NTAN1: variants seen among roughly 807,000 people sequenced by gnomAD.
NTAN1 encodes the protein N-terminal asparagine amidase.
Under a neutral mutation model 41.9 loss-of-function variants are expected in NTAN1, and 32 were observed. The observed-to-expected ratio is 0.76, with a 90% CI of 0.58 to 1.03. The LOEUF is 1.03. NTAN1 is among the 50% of genes least tolerant of loss of function. The probability of loss-of-function intolerance (pLI) is 0.00; values close to 1 mark genes in which losing one functional copy is unlikely to be tolerated. For synonymous variants in NTAN1, 140 were observed against 139.5 expected, an observed-to-expected ratio of 1.00 and a Z score of -0.03; for missense variants, 377 against 377.5, an observed-to-expected ratio of 1.00 and a Z score of 0.01.
In NTAN1 at chr16:15,038,007, G is replaced by A. The variant is rs761638598; in HGVS notation, c.*24C>T. 3.8e-6 allele frequency: 6 copies of A among 1,587,264 alleles called. No individual in the cohort carries two copies. Among genetic ancestry groups the A allele is most frequent in the Non-Finnish European group, 3.4e-6 (4 of 1,160,106 alleles). ...CAATGGTCTGTCAGGCCAAGAAGGT[G>A]CTTTCTTTGGTAATTCATGTTTTTT... On this transcript the variant is annotated 3_prime_UTR_variant, in exon 10 of 10. Coordinates refer to ENST00000287706, the MANE Select transcript of NTAN1 (RefSeq NM_173474.4).
At chr16:15,046,537 G>A (rs2044071297) in intron 4 of NTAN1, among the ~76,000 whole-genome samples, 1 of 152,066 alleles carries the variant, frequency 6.6e-6, no homozygotes, top group Admixed American at 6.6e-5. Flanking sequence ...AGGATGAGGT[G>A]CTGTGGGGGC....
intron 7 of NTAN1, 81 bp downstream of exon 7, chr16:15,040,987 T>TG (rs1352727645): frequency 3.2e-6 from 3 of 938,290 alleles, no homozygotes; most frequent in Middle Eastern, 2.1e-4. Context: ...CTGACAGCAG[T>TG]GGGGTCATTG....
In NTAN1 at chr16:15,038,117, G is replaced by C; in HGVS notation, c.847C>G (p.His283Asp). The stretch of plus-strand genomic sequence containing the variant: ...GCTTTATTTCCAGAAAACAGTGTGT[G>C]AGCTGGAGATGGGTGTTTTTTTAAA... ...MFLKKHPSPA[H>D]TLFSGNKALL... The change falls in exon 10 of 10, where the codon CAC becomes GAC. Residue 283 changes from histidine to aspartate, a missense_variant. Physicochemically the swap from His to Asp is moderately conservative, Grantham distance 81. Transcript: ENST00000287706. 6.2e-7 allele frequency: 1 copy of C among 1,611,472 alleles called. No homozygotes were observed. Among genetic ancestry groups the C allele is most frequent in the African/African-American group, 1.3e-5 (1 of 74,894 alleles).
chr16:15,037,996 G>GCCAAGAAGGTGCTTTCTTT lies in NTAN1; in HGVS notation c.*16_*34dup. 6.4e-7 allele frequency: 1 copy of GCCAAGAAGGTGCTTTCTTT among 1,552,382 alleles called. No individual in the cohort carries two copies. Among genetic ancestry groups the GCCAAGAAGGTGCTTTCTTT allele is most frequent in the South Asian group, 1.1e-5 (1 of 87,620 alleles). ...GCCAGCCCCACCAATGGTCTGTCAGGCCAAGAAGGTGCTTTCTTTGGTAAT... is the reference window on the plus strand; with the variant it reads ...GCCAGCCCCACCAATGGTCTGTCAGGCCAAGAAGGTGCTTTCTTTCCAAGAAGGTGCTTTCTTTGGTAAT... On this transcript the variant is annotated 3_prime_UTR_variant, in exon 10 of 10. Transcript: ENST00000287706.
Position 15,048,260 on chromosome 16 carries a change from G to A in NTAN1, c.82-161C>T, listed in dbSNP as rs1382052960. Among the ~76,000 whole-genome samples the A allele has an allele frequency of 3.3e-5, 5 of 152,218 alleles. No homozygotes were observed. The South Asian group carries it at 6.2e-4, about 19-fold the overall frequency. ...GCTCAAAGAAAAAGGCAGCAGCCAC[G>A]GTCATTCAGAACAATGCAGAGAAAA... On this transcript the variant is annotated intron_variant, in intron 1 of 9. Transcript: ENST00000287706.
At chr16:15,050,861 T>C (rs941087404) in intron 1 of NTAN1, among the ~76,000 whole-genome samples, 2 of 152,274 alleles carry the variant, frequency 1.3e-5, no homozygotes, top group Middle Eastern at 3.4e-3. Context: ...TCAATGAAAA[T>C]GAGACAAGCC....
In NTAN1 at chr16:15,037,915, TGAGGAGGG is replaced by T; in HGVS notation, c.*108_*115del. The T allele has an allele frequency of 3.1e-6, 2 of 644,076 alleles. No individual in the cohort carries two copies. The allele number at this position is 644,076 out of a possible 1,614,324, so 39.9% of individuals were successfully genotyped here. Reference sequence around the variant, plus strand: ...TTGATGAAAGTCATTTGAAAGACACTGAGGAGGGAAGGAGGCCTAAGACCCAACAGATG... The same window carrying T: ...TTGATGAAAGTCATTTGAAAGACACTAAGGAGGCCTAAGACCCAACAGATG... On this transcript the variant is annotated 3_prime_UTR_variant, in exon 10 of 10. Transcript: ENST00000287706.
intron 1 of NTAN1, among the ~76,000 whole-genome samples, chr16:15,052,301 T>C (rs2044323916): frequency 6.6e-6 from 1 of 152,232 alleles, no homozygotes; most frequent in Non-Finnish European, 1.5e-5. Context: ...CAAAATATTA[T>C]TTTGATTTTT....
rs188451850 is a variant in NTAN1 at position 15,052,447 on chromosome 16, C to A, written c.81+3444G>T. Reference sequence around the variant, plus strand: ...TGTGACCTGGGGGATGATCATGTGACCCTCACCCCTGCTGTCCTGTTTATC... The same window carrying A: ...TGTGACCTGGGGGATGATCATGTGAACCTCACCCCTGCTGTCCTGTTTATC... On this transcript the variant is annotated intron_variant, in intron 1 of 9. Transcript: ENST00000287706. Among the ~76,000 whole-genome samples, 42 of 152,236 alleles carry A rather than the reference C, an allele frequency of 2.8e-4. No individual in the cohort carries two copies. The East Asian group carries it at 7.5e-3, about 27-fold the overall frequency.
chr16:15,045,503 G>A (rs1211706136), intron 4 of NTAN1: 1 of 152,136 alleles, frequency 6.6e-6, no homozygotes, highest in Non-Finnish European at 1.5e-5. Flanking sequence ...CAGGTGTGCT[G>A]GCATATACCT....
At chr16:15,053,931 A>G (rs4985148) in intron 1 of NTAN1, among the ~76,000 whole-genome samples, 1 of 149,782 alleles carries the variant, frequency 6.7e-6, no homozygotes. Flanking sequence ...AACCAACCAA[A>G]CAAACAAACA....
chr16:15,038,612 C>T lies in NTAN1; in HGVS notation c.715G>A (p.Asp239Asn). The T allele has an allele frequency of 6.2e-7, 1 of 1,608,730 alleles. No homozygotes were observed. Among genetic ancestry groups the T allele is most frequent in the East Asian group, 2.2e-5 (1 of 44,844 alleles). Residue 239 changes from aspartate (D) to asparagine (N), a missense_variant, in exon 9 of 10, where the codon GAT becomes AAT. By Grantham distance (23) the Asp-to-Asn change is conservative (BLOSUM62 1). Coordinates refer to ENST00000287706, the MANE Select transcript of NTAN1 (RefSeq NM_173474.4). Reference sequence around the variant, plus strand: ...TTGTCATCTTGGTGCAACCAGAAATCCACATGTGGAAATGGTGTCCAGGAG... The same window carrying T: ...TTGTCATCTTGGTGCAACCAGAAATTCACATGTGGAAATGGTGTCCAGGAG... ...PYSWTPFPHV[D>N]FWLHQDDKQI...
At position 15,039,988 on chromosome 16, in the gene NTAN1, C is replaced by T. The variant is rs1471316433; in HGVS notation, c.620G>A (p.Arg207Gln). The T allele has an allele frequency of 8.1e-6, 13 of 1,603,024 alleles. No individual in the cohort carries two copies. Among genetic ancestry groups the T allele is most frequent in the Non-Finnish European group, 1.1e-5 (13 of 1,171,148 alleles). The part of the protein sequence containing the change: ...RGPEEQLRAA[R>Q]TLAGGPMISI... Reference sequence around the variant, plus strand: ...ACTCACTGGTCCTCCTGCTAAAGTTCGCGCAGCACGAAGCTGCTCCTCCGG... The same window carrying T: ...ACTCACTGGTCCTCCTGCTAAAGTTTGCGCAGCACGAAGCTGCTCCTCCGG... Residue 207 changes from arginine to glutamine, a missense_variant, in exon 8 of 10, where the codon CGA becomes CAA. Transcript: ENST00000287706.
In NTAN1 at chr16:15,047,854, C is replaced by G. The variant is rs2044138333; in HGVS notation, c.250+1G>C. The G allele has an allele frequency of 6.2e-7, 1 of 1,609,384 alleles. No individual in the cohort carries two copies. Among genetic ancestry groups the G allele is most frequent in the Non-Finnish European group, 8.5e-7 (1 of 1,175,754 alleles). ...GGTTTCCTTCACCTCTCTCATCATA[C>G]CTGTGTGCCTCAGGACCACAATGTG... On this transcript the variant is annotated splice_donor_variant, in intron 3 of 9. Coordinates refer to ENST00000287706, the MANE Select transcript of NTAN1 (RefSeq NM_173474.4). LOFTEE classifies it high-confidence loss of function.
chr16:15,045,935 A>C (rs2044041615), intron 4 of NTAN1: 1 of 152,184 alleles, frequency 6.6e-6, no homozygotes, highest in African/African-American at 2.4e-5. Flanking sequence ...AACTCCAAGT[A>C]GTAGCAGTAA....
In NTAN1 at chr16:15,038,146, ATCAAGGTAGATCTAATATGT is replaced by A; in HGVS notation, c.798_817del (p.Glu266AspfsTer18). On this transcript the variant is annotated frameshift_variant, in exon 10 of 10. Coordinates refer to ENST00000287706, the MANE Select transcript of NTAN1 (RefSeq NM_173474.4). LOFTEE classifies it high-confidence loss of function. ...TGGAGATGGGTGTTTTTTTAAAAAC[ATCAAGGTAGATCTAATATGT>A]TCAACAAAGTGGGGTGGCTCAGCCA... The A allele has an allele frequency of 6.2e-7, 1 of 1,613,470 alleles. No individual in the cohort carries two copies. Among genetic ancestry groups the A allele is most frequent in the Non-Finnish European group, 8.5e-7 (1 of 1,179,396 alleles).
In NTAN1 at chr16:15,037,993, C is replaced by T. The variant is rs781693945; in HGVS notation, c.*38G>A. On this transcript the variant is annotated 3_prime_UTR_variant, in exon 10 of 10. Transcript: ENST00000287706. ...CGTGCCAGCCCCACCAATGGTCTGT[C>T]AGGCCAAGAAGGTGCTTTCTTTGGT... 5 of 1,536,550 alleles carry T rather than the reference C, an allele frequency of 3.3e-6. No individual in the cohort carries two copies. The Admixed American group carries it at 5.3e-5, about 16-fold the overall frequency.
chr16:15,040,298 C>A, intron 7 of NTAN1: 1 of 416,708 alleles, frequency 2.4e-6, no homozygotes. Context: ...TGTTCTAAAC[C>A]AAGAGCTGCT....
chr16:15,044,690 AGCACAG>A (rs2043974283), intron 4 of NTAN1: 12 of 497,634 alleles, frequency 2.4e-5, no homozygotes, highest in South Asian at 1.5e-4. Context: ...GCTCTGGAAG[AGCACAG>A]GCACAGGACA....
Sources: gnomAD v4.1 joint callset for allele counts (sites outside exome capture counted in the v4.1 genomes callset) on GRCh38, gnomAD v4.1.1 for gene constraint, MANE v1.5 for transcripts, NCBI Gene and HGNC (gene_info 2026-07-23, HGNC 2026-07-21) for gene names.